The following PLS3 variants were observed in gnomAD, a reference collection of about 807,000 sequenced individuals.
PLS3 encodes plastin-3.
PLS3 carries 11 observed loss-of-function variants against 46.5 expected under a neutral mutation model. That is an observed-to-expected ratio of 0.24 (90% CI 0.15 to 0.39). PLS3 has a LOEUF of 0.39. Among genes scored for constraint, PLS3 ranks in the 10% least tolerant of loss-of-function variants. The probability of loss-of-function intolerance (pLI) is 1.00; values close to 1 mark genes in which losing one functional copy is unlikely to be tolerated. For missense variants in PLS3, 308 were observed against 461.8 expected (o/e 0.67, Z 3.05); for synonymous variants, 167 against 162.2 (o/e 1.03, Z -0.22).
At chrX:115,584,907 A>G (rs1283485594) in intron 1 of PLS3, among the ~76,000 whole-genome samples, 1 of 111,980 alleles carries the variant, frequency 8.9e-6, no homozygotes, top group Non-Finnish European at 1.9e-5. Context: ...GTTGTGGTGG[A>G]AAAATGATGT....
At chrX:115,637,302 C>A (rs1477286534) in intron 8 of PLS3, among the ~76,000 whole-genome samples, 4 of 111,527 alleles carry the variant, frequency 3.6e-5, no homozygotes, top group Non-Finnish European at 5.6e-5. Flanking sequence ...CCTCAGTGTA[C>A]CTGTTAGTAA....
chrX:115,613,195 T>A (rs2074563164), intron 2 of PLS3, among the ~76,000 whole-genome samples: 1 of 110,954 alleles, frequency 9.0e-6, no homozygotes, highest in Non-Finnish European at 1.9e-5. Flanking sequence ...ACTACTGAGG[T>A]TTTTTAAACA....
At chrX:115,627,738 C>T in intron 3 of PLS3, among the ~76,000 whole-genome samples, 1 of 111,679 alleles carries the variant, frequency 9.0e-6, no homozygotes. Context: ...ATGTGTGTGT[C>T]TGCATACATA....
intron 1 of PLS3, among the ~76,000 whole-genome samples, chrX:115,561,555 C>T (rs2074134924): frequency 8.9e-6 from 1 of 112,315 alleles, no homozygotes; most frequent in Middle Eastern, 4.7e-3. Flanking sequence ...ACTAGTTGCT[C>T]TTAACTTGTT....
At chrX:115,591,847 A>G (rs1471639557) in intron 1 of PLS3, among the ~76,000 whole-genome samples, 8 of 112,629 alleles carry the variant, frequency 7.1e-5, no homozygotes, top group Non-Finnish European at 1.1e-4. Context: ...TTTCATTCAC[A>G]TAGTGAGTCA....
chrX:115,644,469 G>A (rs2074930304), intron 10 of PLS3, among the ~76,000 whole-genome samples: 1 of 109,803 alleles, frequency 9.1e-6, no homozygotes, highest in African/African-American at 3.3e-5. Flanking sequence ...ATTGTGGTGC[G>A]CACCTGTAAT....
chrX:115,584,463 A>G (rs1447205430), intron 1 of PLS3, among the ~76,000 whole-genome samples: 2 of 112,530 alleles, frequency 1.8e-5, no homozygotes, highest in Non-Finnish European at 3.7e-5. Context: ...ACTTTTGCAC[A>G]TATTATCTAC....
rs375519360 is a variant in PLS3 at position 115,613,609 on chromosome X, C to T, written c.73+3286C>T. Among the ~76,000 whole-genome samples the T allele has an allele frequency of 1.5e-4, 17 of 111,613 alleles. No homozygotes were observed. In the East Asian group the frequency reaches 3.1e-3, roughly 20 times the overall value. On this transcript the variant is annotated intron_variant, in intron 2 of 15. Coordinates refer to ENST00000355899, the MANE Select transcript of PLS3 (RefSeq NM_005032.7). The stretch of plus-strand genomic sequence containing the variant: ...TATGGATTATTAGAAGTGGAGGTCT[C>T]GGGATAGTCGGAAAACCATGTTTCA...
At chrX:115,612,404 T>G (rs188050197) in intron 2 of PLS3, among the ~76,000 whole-genome samples, 1 of 111,977 alleles carries the variant, frequency 8.9e-6, no homozygotes, top group Non-Finnish European at 1.9e-5. Flanking sequence ...TTTTAAGTTG[T>G]TGTTACTTAC....
chrX:115,587,288 A>G (rs1556632567), intron 1 of PLS3, among the ~76,000 whole-genome samples: 1 of 112,258 alleles, frequency 8.9e-6, no homozygotes, highest in African/African-American at 3.2e-5. Flanking sequence ...TTAAATCTCA[A>G]TTCTTAGGTA....
At chrX:115,583,874 G>T (rs1045700860) in intron 1 of PLS3, among the ~76,000 whole-genome samples, 17 of 110,574 alleles carry the variant, frequency 1.5e-4, no homozygotes, top group Non-Finnish European at 7.6e-5. Context: ...CTTTTTTTTT[G>T]GGGGAGGGTG....
intron 8 of PLS3, 93 bp downstream of exon 8, chrX:115,637,071 C>CA: frequency 1.1e-6 from 1 of 880,748 alleles, no homozygotes; most frequent in Non-Finnish European, 1.6e-6. Flanking sequence ...AACACTGTAT[C>CA]ACCAAGCCTT....
chrX:115,609,164 A>G (rs1033758837), intron 1 of PLS3, among the ~76,000 whole-genome samples: 2 of 110,902 alleles, frequency 1.8e-5, no homozygotes, highest in East Asian at 2.8e-4. Flanking sequence ...AGAAAGGAAC[A>G]TGTAATCATT....
intron 2 of PLS3, among the ~76,000 whole-genome samples, chrX:115,616,604 C>T (rs1303418801): frequency 8.9e-6 from 1 of 111,878 alleles, no homozygotes; most frequent in Admixed American, 9.5e-5. Context: ...TTTTACTGGC[C>T]TTCCAAACCA....
intron 13 of PLS3, 137 bp from the exon 14 acceptor site, chrX:115,647,413 G>T (rs781919015): frequency 8.6e-6 from 5 of 581,752 alleles, no homozygotes; most frequent in Non-Finnish European, 1.3e-5. Context: ...CAGCCTGGGC[G>T]ACAGAGCGAG....
intron 2 of PLS3, among the ~76,000 whole-genome samples, chrX:115,617,456 G>C (rs2074608230): frequency 1.8e-5 from 2 of 112,122 alleles, no homozygotes; most frequent in African/African-American, 6.5e-5. Flanking sequence ...CTGTATTTCT[G>C]TCATTGTTGT....
chrX:115,635,111 CG>C (rs2074817438), intron 7 of PLS3, 65 bp downstream of exon 7: 1 of 957,600 alleles, frequency 1.0e-6, no homozygotes, highest in African/African-American at 1.9e-5. Flanking sequence ...TGCAGACTTT[CG>C]TGCTCTCACT....
intron 13 of PLS3, among the ~76,000 whole-genome samples, chrX:115,647,344 A>G (rs1475723499): frequency 9.0e-6 from 1 of 111,647 alleles, no homozygotes; most frequent in Non-Finnish European, 1.9e-5. Flanking sequence ...GAGGCAGGAG[A>G]ATGGTGTGAA....
At chrX:115,605,986 T>C (rs2074487078) in intron 1 of PLS3, among the ~76,000 whole-genome samples, 1 of 106,947 alleles carries the variant, frequency 9.4e-6, no homozygotes, top group Non-Finnish European at 1.9e-5. Context: ...TCTAAAATAT[T>C]GGTAAAATTG....
Sources: gnomAD v4.1 joint callset for allele counts (sites outside exome capture counted in the v4.1 genomes callset) on GRCh38, gnomAD v4.1.1 for gene constraint, MANE v1.5 for transcripts, NCBI Gene and HGNC (gene_info 2026-07-23, HGNC 2026-07-21) for gene names.